Variants in FBRSL1 observed in about 807,000 individuals in gnomAD.
FBRSL1 encodes fibrosin like 1.
FBRSL1 carries 51 observed loss-of-function variants against 89.6 expected under a neutral mutation model. The observed-to-expected ratio is 0.57, with a 90% CI of 0.45 to 0.72. FBRSL1 has a LOEUF of 0.72. FBRSL1 is among the 30% of genes least tolerant of loss of function. The pLI is 0.00. For synonymous variants in FBRSL1, 779 were observed against 681.1 expected, an observed-to-expected ratio of 1.14 and a Z score of -2.24; for missense variants, 1,618 against 1,451.8, an observed-to-expected ratio of 1.11 and a Z score of -1.86.
At chr12:132,569,730 G>T (rs1027664650) in intron 6 of FBRSL1, among the ~76,000 whole-genome samples, 196 bp from the exon 7 acceptor site, 2 of 152,024 alleles carry the variant, frequency 1.3e-5, no homozygotes, top group South Asian at 2.1e-4. Context: ...AGCTCCCTCC[G>T]CCGGGCGGGG....
Position 132,490,662 on chromosome 12 carries a change from G to A in FBRSL1, c.92G>A (p.Ser31Asn). 1 of 996,242 alleles carries A rather than the reference G, an allele frequency of 1.0e-6. No homozygotes were observed. The highest frequency in any genetic ancestry group is 1.2e-6 in the Non-Finnish European group (1 of 834,554). The allele number at this position is 996,242 out of a possible 1,614,324, so 61.7% of individuals were successfully genotyped here. A position where few individuals can be genotyped will look rare whatever the true frequency, so the allele number is the denominator to read the frequency against. Residue 31 changes from serine to asparagine, a missense_variant, in exon 1 of 19, where the codon AGT (serine) becomes AAT (asparagine). Transcript: ENST00000680143. ...GCCGCCCGCGACGCCCGCGCCCAGAGTCCGTCGTCGGGCGACGAGCCCGAG... is the reference window on the plus strand; with the variant it reads ...GCCGCCCGCGACGCCCGCGCCCAGAATCCGTCGTCGGGCGACGAGCCCGAG... ...REAARDARAQ[S>N]PSSGDEPEPS...
intron 2 of FBRSL1, among the ~76,000 whole-genome samples, chr12:132,517,788 C>G (rs529621450): frequency 2.0e-5 from 3 of 152,130 alleles, no homozygotes; most frequent in African/African-American, 7.2e-5. Context: ...CAGGGAACAA[C>G]GTGAGCTCCT....
chr12:132,579,873 C>T (rs1232015537), intron 15 of FBRSL1, among the ~76,000 whole-genome samples: 2 of 152,186 alleles, frequency 1.3e-5, no homozygotes, highest in East Asian at 3.8e-4. Context: ...TTTTTCTCCA[C>T]TGGGTGTGGT....
intron 2 of FBRSL1, chr12:132,509,265 C>A: frequency 8.0e-7 from 1 of 1,253,646 alleles, no homozygotes; most frequent in Non-Finnish European, 9.9e-7. Context: ...GTCCAGCCAG[C>A]CCCAGGGGTC....
At chr12:132,535,390 G>A (rs535748695) in intron 4 of FBRSL1, among the ~76,000 whole-genome samples, 2 of 152,222 alleles carry the variant, frequency 1.3e-5, no homozygotes, top group East Asian at 1.9e-4. Context: ...AGATCCACAC[G>A]CCATCCGCTG....
intron 2 of FBRSL1, chr12:132,512,022 T>C (rs1368790622): frequency 1.0e-6 from 1 of 985,438 alleles, no homozygotes; most frequent in African/African-American, 1.7e-5. Context: ...AGGGCTTTTG[T>C]GCTGGGCTTG....
chr12:132,492,038 G>A (rs965102106), intron 1 of FBRSL1, among the ~76,000 whole-genome samples: 2 of 152,204 alleles, frequency 1.3e-5, no homozygotes, highest in African/African-American at 4.8e-5. Context: ...GGGACGGGAT[G>A]GCCCTGGGGC....
At position 132,583,139 on chromosome 12, in the gene FBRSL1, G is replaced by A. The variant is rs1413225681; in HGVS notation, c.2370G>A (p.Lys790=). The change falls in exon 19 of 19, where the codon AAG becomes AAA. Residue 790 remains lysine (K), a synonymous_variant. Coordinates refer to ENST00000680143, the MANE Select transcript of FBRSL1 (RefSeq NM_001367871.1). The part of the protein sequence containing the change: ...PRVKESRSPA[K]EEAAKMPARA... ...TCAAGGAGAGCCGCTCCCCGGCCAA[G>A]GAGGAGGCCGCCAAGATGCCCGCGC... 2 of 1,464,472 alleles carry A rather than the reference G, an allele frequency of 1.4e-6. No individual in the cohort carries two copies. Among genetic ancestry groups the A allele is most frequent in the Admixed American group, 2.4e-5 (1 of 42,316 alleles). 90.7% of individuals were successfully genotyped at this position (1,464,472 alleles called of 1,614,324 possible). A position where few individuals can be genotyped will look rare whatever the true frequency, so the allele number is the denominator to read the frequency against.
At chr12:132,559,511 C>T (rs1326540009) in intron 5 of FBRSL1, among the ~76,000 whole-genome samples, 1 of 152,252 alleles carries the variant, frequency 6.6e-6, no homozygotes, top group Non-Finnish European at 1.5e-5. Context: ...CCCACCTCAG[C>T]CTCCCCAGTA....
At chr12:132,580,261 T>A (rs2040653715) in intron 15 of FBRSL1, among the ~76,000 whole-genome samples, 1 of 152,146 alleles carries the variant, frequency 6.6e-6, no homozygotes, top group African/African-American at 2.4e-5. Flanking sequence ...CTAATTTTTG[T>A]ATTTTTAGTA....
At chr12:132,579,714 T>C (rs1249246807) in intron 15 of FBRSL1, among the ~76,000 whole-genome samples, 1 of 152,240 alleles carries the variant, frequency 6.6e-6, no homozygotes, top group African/African-American at 2.4e-5. Flanking sequence ...GTGCTGCACC[T>C]GGCAGGTTTT....
intron 2 of FBRSL1, among the ~76,000 whole-genome samples, chr12:132,516,646 A>T (rs1399897252): frequency 6.6e-6 from 1 of 152,174 alleles, no homozygotes; most frequent in Non-Finnish European, 1.5e-5. Flanking sequence ...ACCAGTTAAC[A>T]TGCATCAGCT....
chr12:132,568,572 G>C (rs997818304), intron 6 of FBRSL1, among the ~76,000 whole-genome samples: 9 of 152,280 alleles, frequency 5.9e-5, no homozygotes, highest in African/African-American at 2.2e-4. Context: ...GTCCCAGTGA[G>C]GGCTGGAGGT....
intron 5 of FBRSL1, among the ~76,000 whole-genome samples, chr12:132,559,807 C>T (rs2137592818): frequency 6.6e-6 from 1 of 152,198 alleles, no homozygotes; most frequent in East Asian, 1.9e-4. Flanking sequence ...TCAGTGAGGC[C>T]GGCGCTGCGC....
rs548828405 is a variant in FBRSL1, at chr12:132,525,048, G to A, written c.490-686G>A. Among the ~76,000 whole-genome samples, 315 of 152,278 alleles carry A rather than the reference G, an allele frequency of 2.1e-3. 2 individuals are homozygous for A. The highest frequency in any genetic ancestry group is 7.3e-3 in the African/African-American group (302 of 41,546). ...CGGCGCCCATGTTGGCTGGTGTCAGGGGTGGTGGCGGTGGGCGTGGGGCGT... is the reference window on the plus strand; with the variant it reads ...CGGCGCCCATGTTGGCTGGTGTCAGAGGTGGTGGCGGTGGGCGTGGGGCGT... On this transcript the variant is annotated intron_variant, in intron 2 of 18. Transcript: ENST00000680143.
chr12:132,499,313 G>A lies in FBRSL1; in HGVS notation c.291+8452G>A, dbSNP rs536504466. On this transcript the variant is annotated intron_variant, in intron 1 of 18. Coordinates refer to ENST00000680143, the MANE Select transcript of FBRSL1 (RefSeq NM_001367871.1). This position sits in a 1 kb window ranked among gnomAD's most constrained non-coding sequence, Gnocchi z 4.3. ...AGCAGGGAAGGGCCAGCCAGGCAGG[G>A]GTGGTGCTGGGCAGCAGTGGTGCTG... Among the ~76,000 whole-genome samples, 16 of 135,092 alleles carry A rather than the reference G, an allele frequency of 1.2e-4. No individual in the cohort carries two copies. The highest frequency in any genetic ancestry group is 3.9e-4 in the African/African-American group (15 of 38,102). 88.6% of individuals were successfully genotyped at this position (135,092 alleles called of 152,430 possible).
At chr12:132,508,372 C>G in intron 2 of FBRSL1, 22 bp downstream of exon 2, 2 of 1,475,204 alleles carry the variant, frequency 1.4e-6, no homozygotes, top group Non-Finnish European at 1.8e-6. Context: ...CCTCCCCGAC[C>G]GGAAGCTCTG....
rs531229386 is a variant in FBRSL1, at chr12:132,499,213, G to A, written c.291+8352G>A. Among the ~76,000 whole-genome samples, 2 of 152,208 alleles carry A rather than the reference G, an allele frequency of 1.3e-5. No individual in the cohort carries two copies. The highest frequency in any genetic ancestry group is 3.9e-4 in the East Asian group (2 of 5,174). ...GAGCCTCCAGGGCCGGCCAGGCAGG[G>A]ATGGTGCCGGGCAGGGGTGGTGCCG... On this transcript the variant is annotated intron_variant, in intron 1 of 18. Transcript: ENST00000680143. This position sits in a 1 kb window ranked among gnomAD's most constrained non-coding sequence, Gnocchi z 4.3.
At position 132,513,024 on chromosome 12, in the gene FBRSL1, C is replaced by T. The variant is rs558795660; in HGVS notation, c.489+4674C>T. On this transcript the variant is annotated intron_variant, in intron 2 of 18. Transcript: ENST00000680143. Reference sequence around the variant, plus strand: ...GACATCCATGTTGTGTCCTGGGGCCCGCGCCCTGGTGGGGACACTGCTGCC... The same window carrying T: ...GACATCCATGTTGTGTCCTGGGGCCTGCGCCCTGGTGGGGACACTGCTGCC... 1.1e-4 allele frequency among the ~76,000 whole-genome samples: 16 copies of T among 152,216 alleles called. 1 individual carries two copies. The highest frequency in any genetic ancestry group is 5.2e-4 in the Admixed American group (8 of 15,306).
Sources: gnomAD v4.1 joint callset for allele counts (sites outside exome capture counted in the v4.1 genomes callset) on GRCh38, gnomAD v4.1.1 for gene constraint, Gnocchi (gnomAD v3.1) non-coding constraint, MANE v1.5 for transcripts, NCBI Gene and HGNC (gene_info 2026-07-23, HGNC 2026-07-21) for gene names.